SAMD12: variants seen among roughly 807,000 people sequenced by gnomAD.
SAMD12 encodes the protein sterile alpha motif domain-containing protein 12.
In SAMD12, 9 loss-of-function variants were observed where a neutral mutation model predicts 15.0. That is an observed-to-expected ratio of 0.60 (90% CI 0.36 to 1.05). SAMD12 has a LOEUF of 1.05. SAMD12 is among the 50% of genes least tolerant of loss of function. The pLI is 0.01. For synonymous variants in SAMD12, 86 were observed against 90.1 expected, an observed-to-expected ratio of 0.96 and a Z score of 0.25; for missense variants, 230 against 234.2, an observed-to-expected ratio of 0.98 and a Z score of 0.12.
chr8:118,305,984 C>G (rs962632453), intron 4 of SAMD12, among the ~76,000 whole-genome samples: 5 of 152,224 alleles, frequency 3.3e-5, no homozygotes, highest in Admixed American at 6.5e-5. Flanking sequence ...CCTACTACAA[C>G]AGTCCACTGG....
the SAMD12 span, among the ~76,000 whole-genome samples, chr8:118,133,009 TATATA>T: frequency 1.8e-5 from 2 of 110,510 alleles, no homozygotes; most frequent in Non-Finnish European, 3.9e-5. Context: ...TATATATATA[TATATA>T]TATATATATA....
intron 4 of SAMD12, among the ~76,000 whole-genome samples, chr8:118,257,176 T>C (rs1024186296): frequency 2.6e-5 from 4 of 152,062 alleles, no homozygotes; most frequent in East Asian, 1.9e-4. Flanking sequence ...ATGTTCTAAA[T>C]TCCCTCCTTG....
chr8:118,357,756 G>C (rs1161149841), intron 4 of SAMD12, among the ~76,000 whole-genome samples: 1 of 152,094 alleles, frequency 6.6e-6, no homozygotes, highest in Non-Finnish European at 1.5e-5. Flanking sequence ...GTAGCTTTGA[G>C]GCTCCACAGG....
In SAMD12 at chr8:118,438,094, T is replaced by C. The variant is rs1822625849; in HGVS notation, c.322+1738A>G. Among the ~76,000 whole-genome samples, 3 of 152,188 alleles carry C rather than the reference T, an allele frequency of 2.0e-5. No homozygotes were observed. The South Asian group carries it at 6.2e-4, about 32-fold the overall frequency. On this transcript the variant is annotated intron_variant, in intron 3 of 3. Coordinates refer to ENST00000314727, the MANE Select transcript of SAMD12 (RefSeq NM_207506.3). ...TAGAATAACTGACCCTAGATGGGCT[T>C]TTCTTAAACTCTTAAGGGAGGAACT...
chr8:118,501,808 A>C (rs1391742338), intron 2 of SAMD12, among the ~76,000 whole-genome samples: 3 of 152,150 alleles, frequency 2.0e-5, no homozygotes, highest in Non-Finnish European at 2.9e-5. Context: ...CGAGGTCAGG[A>C]GATCGAGACC....
chr8:118,534,885 C>T lies in SAMD12; in HGVS notation c.192+45830G>A, dbSNP rs11784443. 5.3e-5 allele frequency among the ~76,000 whole-genome samples: 8 copies of T among 152,012 alleles called. 1 individual carries two copies. The South Asian group carries it at 1.0e-3, about 20-fold the overall frequency. Reference sequence around the variant, plus strand: ...ATTTTTAGCTTCTTTGTGATGGGTTCGAACATCCTCCTTTAGCTTGGAGAA... The same window carrying T: ...ATTTTTAGCTTCTTTGTGATGGGTTTGAACATCCTCCTTTAGCTTGGAGAA... On this transcript the variant is annotated intron_variant, in intron 2 of 3. Coordinates refer to ENST00000314727, the MANE Select transcript of SAMD12 (RefSeq NM_207506.3).
chr8:118,291,570 G>C (rs1324039252), intron 4 of SAMD12, among the ~76,000 whole-genome samples: 2 of 152,064 alleles, frequency 1.3e-5, no homozygotes, highest in Admixed American at 1.3e-4. Context: ...CCAGGGTCTG[G>C]CTGATGTTTC....
At chr8:118,552,077 C>T (rs1251745811) in intron 2 of SAMD12, among the ~76,000 whole-genome samples, 1 of 152,098 alleles carries the variant, frequency 6.6e-6, no homozygotes, top group Admixed American at 6.5e-5. Flanking sequence ...GATGGATTCA[C>T]AGCCGAATTC....
At chr8:118,469,754 G>A (rs1188927213) in intron 2 of SAMD12, among the ~76,000 whole-genome samples, 1 of 148,998 alleles carries the variant, frequency 6.7e-6, no homozygotes, top group Non-Finnish European at 1.5e-5. Context: ...GTAGAGACAG[G>A]GCTTCGCCAT....
intron 3 of SAMD12, among the ~76,000 whole-genome samples, chr8:118,416,116 T>C (rs1334834100): frequency 3.9e-5 from 6 of 152,158 alleles, no homozygotes; most frequent in African/African-American, 1.4e-4. Flanking sequence ...TGGGTTCCAA[T>C]AATAGTTTAA....
the SAMD12 span, among the ~76,000 whole-genome samples, chr8:118,167,937 C>G: frequency 6.6e-6 from 1 of 152,064 alleles, no homozygotes; most frequent in South Asian, 2.1e-4. Flanking sequence ...TTTGGCTGTG[C>G]CACACCCAAA....
At chr8:118,153,910 C>G in the SAMD12 span, among the ~76,000 whole-genome samples, 1 of 152,198 alleles carries the variant, frequency 6.6e-6, no homozygotes, top group Non-Finnish European at 1.5e-5. Flanking sequence ...TGTTTTAGAT[C>G]TCTTTACTCT....
intron 4 of SAMD12, among the ~76,000 whole-genome samples, chr8:118,296,894 C>G (rs1814741497): frequency 6.6e-6 from 1 of 152,174 alleles, no homozygotes; most frequent in African/African-American, 2.4e-5. Context: ...AGGCACTGTT[C>G]TAAGTGCCTA....
intron 2 of SAMD12, among the ~76,000 whole-genome samples, chr8:118,555,180 C>A (rs962643702): frequency 6.6e-6 from 1 of 152,176 alleles, no homozygotes; most frequent in African/African-American, 2.4e-5. Context: ...CAGCGTACCT[C>A]CTCACATCCA....
intron 1 of SAMD12, among the ~76,000 whole-genome samples, chr8:118,613,384 G>A (rs1296752009): frequency 6.6e-6 from 1 of 152,044 alleles, no homozygotes; most frequent in Admixed American, 6.5e-5. Flanking sequence ...CCAAATTTAG[G>A]TTATAATTGA....
At chr8:118,592,161 A>G (rs1827598581) in intron 1 of SAMD12, among the ~76,000 whole-genome samples, 1 of 152,170 alleles carries the variant, frequency 6.6e-6, no homozygotes. Context: ...GTCTCTACTA[A>G]AAATACAAAA....
At chr8:118,478,363 C>T (rs1403091091) in intron 2 of SAMD12, among the ~76,000 whole-genome samples, 3 of 152,112 alleles carry the variant, frequency 2.0e-5, no homozygotes, top group East Asian at 3.9e-4. Context: ...CCCTGACCAC[C>T]CAAAGACAAA....
intron 2 of SAMD12, among the ~76,000 whole-genome samples, chr8:118,463,383 C>A (rs1823493856): frequency 6.6e-6 from 1 of 152,090 alleles, no homozygotes; most frequent in Non-Finnish European, 1.5e-5. Flanking sequence ...GACAAGGATT[C>A]ATCCAGGAAT....
At chr8:118,250,082 C>T (rs1011779638) in intron 4 of SAMD12, among the ~76,000 whole-genome samples, 11 of 152,098 alleles carry the variant, frequency 7.2e-5, no homozygotes, top group African/African-American at 2.7e-4. Context: ...ATGGGAGGCT[C>T]AGCCAGTCAG....
Sources: gnomAD v4.1 joint callset for allele counts (sites outside exome capture counted in the v4.1 genomes callset) on GRCh38, gnomAD v4.1.1 for gene constraint, MANE v1.5 for transcripts, NCBI Gene and HGNC (gene_info 2026-07-23, HGNC 2026-07-21) for gene names.